The following FBXL2 variants were observed in gnomAD, a reference collection of about 807,000 sequenced individuals.
FBXL2 encodes F-box/LRR-repeat protein 2.
A neutral mutation model predicts 69.2 loss-of-function variants in FBXL2; 38 were observed. That is an observed-to-expected ratio of 0.55 (90% CI 0.42 to 0.72). The LOEUF (loss-of-function observed/expected upper bound fraction) is 0.72, where lower values mean the gene tolerates loss of function less well. Ranked by LOEUF, FBXL2 falls within the 30% of genes least tolerant of loss-of-function variation. The pLI, the probability that FBXL2 is intolerant of heterozygous loss-of-function variation, is 0.00. For missense variants in FBXL2, 354 were observed against 520.3 expected (o/e 0.68, Z 3.11); for synonymous variants, 192 against 201.3 (o/e 0.95, Z 0.39).
chr3:33,381,897 T>G (rs1365554180), intron 13 of FBXL2, among the ~76,000 whole-genome samples: 1 of 152,204 alleles, frequency 6.6e-6, no homozygotes, highest in East Asian at 1.9e-4. Flanking sequence ...ATATTCCACA[T>G]TGTTAAGATC....
intron 2 of FBXL2, 91 bp from the exon 3 acceptor site, chr3:33,358,876 C>A: frequency 1.5e-6 from 1 of 676,848 alleles, no homozygotes; most frequent in Non-Finnish European, 2.4e-6. Flanking sequence ...CTTATGTATC[C>A]AGGTGGCGGA....
intron 13 of FBXL2, 55 bp downstream of exon 13, chr3:33,378,796 CA>C: frequency 6.2e-7 from 1 of 1,613,838 alleles, no homozygotes; most frequent in Non-Finnish European, 8.5e-7. Context: ...AGAGCCCTCC[CA>C]CCACAACAAG....
intron 2 of FBXL2, among the ~76,000 whole-genome samples, chr3:33,329,902 C>T (rs1468547243): frequency 6.6e-6 from 1 of 151,982 alleles, no homozygotes; most frequent in Non-Finnish European, 1.5e-5. Context: ...TTAAGCAAGC[C>T]CAGGAGTTCA....
intron 10 of FBXL2, among the ~76,000 whole-genome samples, chr3:33,376,048 C>A (rs552606415): frequency 6.6e-6 from 1 of 151,600 alleles, no homozygotes; most frequent in Non-Finnish European, 1.5e-5. Flanking sequence ...TCCAGCTACT[C>A]GGAATGCTGA....
At chr3:33,355,296 A>G (rs1165682090) in intron 2 of FBXL2, among the ~76,000 whole-genome samples, 2 of 152,232 alleles carry the variant, frequency 1.3e-5, no homozygotes, top group African/African-American at 4.8e-5. Flanking sequence ...TGAGCAAGGT[A>G]TCTATCTGGA....
intron 2 of FBXL2, among the ~76,000 whole-genome samples, chr3:33,332,848 C>G (rs984442176): frequency 1.3e-5 from 2 of 152,174 alleles, no homozygotes; most frequent in South Asian, 2.1e-4. Context: ...TGTGGTTGAT[C>G]GTTGAGCAAA....
intron 12 of FBXL2, chr3:33,397,761 G>C (rs186491723): frequency 6.6e-6 from 1 of 151,862 alleles, no homozygotes; most frequent in East Asian, 1.9e-4. Context: ...TCCTACTTAC[G>C]ATGTCATTTA....
At chr3:33,301,619 G>A (rs746134268) in intron 2 of FBXL2, among the ~76,000 whole-genome samples, 1 of 152,136 alleles carries the variant, frequency 6.6e-6, no homozygotes, top group Non-Finnish European at 1.5e-5. Flanking sequence ...TACTGAACAA[G>A]TTTTTACAGT....
chr3:33,378,231 C>A, intron 12 of FBXL2, 84 bp downstream of exon 12: 2 of 1,334,160 alleles, frequency 1.5e-6, no homozygotes, highest in Non-Finnish European at 2.2e-6. Context: ...GACACTGACT[C>A]GCTATCATCC....
At chr3:33,414,397 T>C in the FBXL2 span, among the ~76,000 whole-genome samples, 1 of 151,884 alleles carries the variant, frequency 6.6e-6, no homozygotes, top group Non-Finnish European at 1.5e-5. Flanking sequence ...ACTAGCAACA[T>C]GTGATGGGGC....
At chr3:33,317,386 G>A in intron 2 of FBXL2, 2 of 448,598 alleles carry the variant, frequency 4.5e-6, no homozygotes, top group South Asian at 3.2e-5. Flanking sequence ...AGGGTCTGTG[G>A]GTGATATGCA....
chr3:33,338,110 A>G (rs978100060), intron 2 of FBXL2, among the ~76,000 whole-genome samples: 1 of 152,188 alleles, frequency 6.6e-6, no homozygotes, highest in South Asian at 2.1e-4. Context: ...TTAGAAAAAA[A>G]TATTCTAAAG....
At chr3:33,377,358 A>C in intron 11 of FBXL2, 25 bp downstream of exon 11, 2 of 1,610,900 alleles carry the variant, frequency 1.2e-6, no homozygotes, top group Non-Finnish European at 1.7e-6. Flanking sequence ...TAAAGAATAC[A>C]ACCAAACTCT....
chr3:33,377,431 GA>G, intron 11 of FBXL2, 98 bp downstream of exon 11: 1 of 1,132,530 alleles, frequency 8.8e-7, no homozygotes, highest in Non-Finnish European at 1.3e-6. Context: ...ACTACCTTCA[GA>G]AAAGACAGGC....
Position 33,321,286 on chromosome 3 carries a change from G to A in FBXL2, c.65+23561G>A, listed in dbSNP as rs186790582. ...GATTGCACCATTGCACTCCAGCCTG[G>A]GTGACAGAGCCTGACTCCATCTCAA... On this transcript the variant is annotated intron_variant, in intron 2 of 14. Transcript: ENST00000484457. 6.1e-3 allele frequency among the ~76,000 whole-genome samples: 755 copies of A among 123,224 alleles called. 5 individuals carry two copies. The highest frequency in any genetic ancestry group is 0.022 in the African/African-American group (707 of 32,702). The allele number at this position is 123,224 out of a possible 152,430, so 80.8% of individuals were successfully genotyped here. A position where few individuals can be genotyped will look rare whatever the true frequency, so the allele number is the denominator to read the frequency against.
the FBXL2 span, among the ~76,000 whole-genome samples, chr3:33,412,559 G>A: frequency 6.7e-6 from 1 of 149,484 alleles, no homozygotes; most frequent in South Asian, 2.1e-4. Flanking sequence ...CTTATCCTGG[G>A]CGAGAGAGCA....
intron 2 of FBXL2, among the ~76,000 whole-genome samples, chr3:33,352,430 C>G (rs2040889321): frequency 6.6e-6 from 1 of 152,130 alleles, no homozygotes; most frequent in African/African-American, 2.4e-5. Flanking sequence ...ACACCAAAAA[C>G]ACTACTCATG....
intron 2 of FBXL2, among the ~76,000 whole-genome samples, chr3:33,303,440 T>C (rs2036458140): frequency 6.6e-6 from 1 of 152,144 alleles, no homozygotes; most frequent in African/African-American, 2.4e-5. Context: ...TTAGTCTAGG[T>C]TGGGGTTATG....
In FBXL2 at chr3:33,336,820, G is replaced by A. The variant is rs546751487; in HGVS notation, c.66-22147G>A. On this transcript the variant is annotated intron_variant, in intron 2 of 14. Coordinates refer to ENST00000484457, the MANE Select transcript of FBXL2 (RefSeq NM_012157.5). ...CTCAGGAGGGTGAGGCAGGGGAATC[G>A]CTTGAACCCAGGAGGTAGAGGTTGC... Among the ~76,000 whole-genome samples, 3 of 152,130 alleles carry A rather than the reference G, an allele frequency of 2.0e-5. No individual in the cohort carries two copies. The East Asian group carries it at 5.8e-4, about 29-fold the overall frequency.
Sources: gnomAD v4.1 joint callset for allele counts (sites outside exome capture counted in the v4.1 genomes callset) on GRCh38, gnomAD v4.1.1 for gene constraint, MANE v1.5 for transcripts, NCBI Gene and HGNC (gene_info 2026-07-23, HGNC 2026-07-21) for gene names.